PARP14: variants seen among roughly 807,000 people sequenced by gnomAD.
PARP14 encodes poly(ADP-ribose) polymerase family member 14.
Under a neutral mutation model 154.2 loss-of-function variants are expected in PARP14, and 59 were observed. The observed-to-expected ratio is 0.38, with a 90% CI of 0.31 to 0.48. The LOEUF (loss-of-function observed/expected upper bound fraction) is 0.48, where lower values mean the gene tolerates loss of function less well. PARP14 is among the 20% of genes least tolerant of loss of function. The pLI is 0.98. For missense variants in PARP14, 1,734 were observed against 2,131.6 expected, an observed-to-expected ratio of 0.81 and a Z score of 3.67; for synonymous variants, 720 against 780.5, an observed-to-expected ratio of 0.92 and a Z score of 1.29.
chr3:122,689,555 C>T (rs145924484), intron 3 of PARP14, among the ~76,000 whole-genome samples: 148 of 152,266 alleles, frequency 9.7e-4, no homozygotes, highest in African/African-American at 3.4e-3. Context: ...ATGACCCTCC[C>T]GCCTTGGCCT....
chr3:122,727,737 T>A (rs546796572), intron 15 of PARP14, 75 bp from the exon 16 acceptor site: 1 of 858,204 alleles, frequency 1.2e-6, no homozygotes, highest in African/African-American at 1.7e-5. Flanking sequence ...TGAAACATAG[T>A]GATCATGTTT....
intron 4 of PARP14, among the ~76,000 whole-genome samples, chr3:122,692,782 TGAGA>T (rs146475823): frequency 1.3e-5 from 2 of 150,746 alleles, no homozygotes; most frequent in East Asian, 1.9e-4. Flanking sequence ...TGTGTGTGAC[TGAGA>T]GAGAGAGAGA....
chr3:122,704,320 T>C (rs1939079720), intron 7 of PARP14, among the ~76,000 whole-genome samples: 1 of 152,232 alleles, frequency 6.6e-6, no homozygotes, highest in Non-Finnish European at 1.5e-5. Flanking sequence ...CTTCTTTCCT[T>C]CATTGTGAAT....
At chr3:122,694,100 G>C (rs1325087672) in intron 4 of PARP14, among the ~76,000 whole-genome samples, 1 of 152,144 alleles carries the variant, frequency 6.6e-6, no homozygotes, top group African/African-American at 2.4e-5. Context: ...TCATAGCCTG[G>C]GGTCAGGGAG....
At chr3:122,720,579 G>A in intron 15 of PARP14, 191 bp downstream of exon 15, 1 of 636,680 alleles carries the variant, frequency 1.6e-6, no homozygotes. Flanking sequence ...TCTTGTGTCA[G>A]TGATTACAAT....
In PARP14 at chr3:122,713,520, A is replaced by C. The variant is rs993782281; in HGVS notation, c.3716A>C (p.Glu1239Ala). The C allele has an allele frequency of 6.2e-7, 1 of 1,613,818 alleles. No homozygotes were observed. ...GTGGCTTCTGGAGATATCACGAAAG[A>C]AGAGGCAGATGTGATTGTAAATTCA... ...FQVASGDITKEEADVIVNSTS... is the reference protein window; with the variant it reads ...FQVASGDITKAEADVIVNSTS... Residue 1239 changes from glutamate to alanine, a missense_variant, in exon 10 of 17, where the codon GAA becomes GCA. By Grantham distance (107) the Glu-to-Ala change is moderately radical (BLOSUM62 -1). Coordinates refer to ENST00000474629, the MANE Select transcript of PARP14 (RefSeq NM_017554.3).
intron 1 of PARP14, among the ~76,000 whole-genome samples, chr3:122,683,133 G>C (rs1003132101): frequency 6.6e-6 from 1 of 152,102 alleles, no homozygotes; most frequent in Non-Finnish European, 1.5e-5. Flanking sequence ...TAAGTTCTTG[G>C]GGGTGGAAAA....
At chr3:122,713,369 A>G (rs1939383435) in intron 9 of PARP14, 55 bp from the exon 10 acceptor site, 2 of 1,508,286 alleles carry the variant, frequency 1.3e-6, no homozygotes, top group Non-Finnish European at 1.8e-6. Context: ...CAGGATACCC[A>G]AGTCATTCTT....
At chr3:122,682,916 G>A (rs1327014027) in intron 1 of PARP14, among the ~76,000 whole-genome samples, 1 of 152,104 alleles carries the variant, frequency 6.6e-6, no homozygotes, top group East Asian at 1.9e-4. Flanking sequence ...TTAGCCGAGC[G>A]TGGTGGTGTG....
rs1195976905 is a variant in PARP14, at chr3:122,729,764, A to T, written c.*1167A>T. 1 of 152,158 alleles carries T rather than the reference A, an allele frequency of 6.6e-6. No homozygotes were observed. Among genetic ancestry groups the T allele is most frequent in the Non-Finnish European group, 1.5e-5 (1 of 68,044 alleles). 9.4% of individuals were successfully genotyped at this position (152,158 alleles called of 1,614,324 possible). On this transcript the variant is annotated 3_prime_UTR_variant, in exon 17 of 17. Transcript: ENST00000474629. ...TCATTGGTCTTTGTTCTGCCCAGTG[A>T]TAACAATGGGATAACGCCTGCTACA...
chr3:122,710,265 C>G (rs1037769006), intron 9 of PARP14, among the ~76,000 whole-genome samples: 4 of 152,084 alleles, frequency 2.6e-5, no homozygotes, highest in African/African-American at 9.7e-5. Context: ...CCAGTTTAAT[C>G]TTCTACATGT....
chr3:122,713,188 C>A (rs781241409), intron 9 of PARP14, among the ~76,000 whole-genome samples: 6 of 152,176 alleles, frequency 3.9e-5, no homozygotes, highest in Non-Finnish European at 8.8e-5. Context: ...GGCTATAGTA[C>A]GCTAACTTCA....
At chr3:122,726,249 T>G (rs975117103) in intron 15 of PARP14, among the ~76,000 whole-genome samples, 1 of 152,220 alleles carries the variant, frequency 6.6e-6, no homozygotes, top group Non-Finnish European at 1.5e-5. Flanking sequence ...TTCATCTAGA[T>G]TTAGTATTTC....
intron 1 of PARP14, among the ~76,000 whole-genome samples, chr3:122,684,936 A>G (rs188350409): frequency 8.3e-4 from 126 of 152,360 alleles, no homozygotes; most frequent in African/African-American, 2.9e-3. Context: ...ACAAATAGAC[A>G]AGAAAACTGA....
In PARP14 at chr3:122,681,992, G is replaced by A. The variant is rs1938223579; in HGVS notation, c.187+922G>A. Among the ~76,000 whole-genome samples, 1 of 152,184 alleles carries A rather than the reference G, an allele frequency of 6.6e-6. No individual in the cohort carries two copies. ...ATTTGGAGAAGCATTCGGGCCAGAGGAGAGGCAAGGAGGCTGAGGCTGAGG... is the reference window on the plus strand; with the variant it reads ...ATTTGGAGAAGCATTCGGGCCAGAGAAGAGGCAAGGAGGCTGAGGCTGAGG... On this transcript the variant is annotated intron_variant, in intron 1 of 16. Coordinates refer to ENST00000474629, the MANE Select transcript of PARP14 (RefSeq NM_017554.3). This position sits in a 1 kb window ranked among gnomAD's most constrained non-coding sequence, Gnocchi z 5.5.
At chr3:122,711,217 G>A (rs1303796488) in intron 9 of PARP14, among the ~76,000 whole-genome samples, 3 of 152,134 alleles carry the variant, frequency 2.0e-5, no homozygotes, top group African/African-American at 2.4e-5. Context: ...GATGTTGGCT[G>A]TGGATTTGTC....
At position 122,718,238 on chromosome 3, in the gene PARP14, C is replaced by T; in HGVS notation, c.4168C>T (p.Gln1390Ter). 1 of 1,613,586 alleles carries T rather than the reference C, an allele frequency of 6.2e-7. No individual in the cohort carries two copies. The highest frequency in any genetic ancestry group is 8.5e-7 in the Non-Finnish European group (1 of 1,179,686). ...CAACATGAAGAAAAGAGAAGGGACT[C>T]AGCTTTCTTCCCAACAGTCTGTGAT... is the stretch of plus-strand genomic sequence containing the variant. ...YANMKKREGT[Q>*]LSSQQSVMSK... The change falls in exon 13 of 17, where the codon CAG becomes TAG. Residue 1390 changes from glutamine to a stop codon, truncating the protein, a stop_gained. Transcript: ENST00000474629. LOFTEE classifies it high-confidence loss of function.
Position 122,714,329 on chromosome 3 carries a change from T to C in PARP14, c.3900T>C (p.His1300=), listed in dbSNP as rs770462083. ...TTTTGAGGTGCAAGAATATCATTCA[T>C]GTAATTGGTGGAAATGATGTCAAGA... is the stretch of plus-strand genomic sequence containing the variant. ...GGFLRCKNII[H]VIGGNDVKSS... is the part of the protein sequence containing the mutation. Residue 1300 remains histidine, a synonymous_variant, in exon 12 of 17, where the codon CAT becomes CAC. Coordinates refer to ENST00000474629, the MANE Select transcript of PARP14 (RefSeq NM_017554.3). 5 of 1,594,152 alleles carry C rather than the reference T, an allele frequency of 3.1e-6. No individual in the cohort carries two copies. Among genetic ancestry groups the C allele is most frequent in the Admixed American group, 1.9e-5 (1 of 53,506 alleles).
intron 1 of PARP14, among the ~76,000 whole-genome samples, chr3:122,682,142 A>C (rs897503511): frequency 7.9e-5 from 12 of 152,216 alleles, no homozygotes; most frequent in Non-Finnish European, 1.8e-4. Flanking sequence ...TTATGAAAAC[A>C]AAATACCATG....
Sources: allele counts gnomAD v4.1 joint callset (sites outside exome capture counted in the v4.1 genomes callset), GRCh38; gene constraint gnomAD v4.1.1; non-coding constraint Gnocchi (gnomAD v3.1); transcripts MANE v1.5; gene names NCBI Gene and HGNC (gene_info 2026-07-23, HGNC 2026-07-21).